DLG2: variants seen among roughly 807,000 people sequenced by gnomAD.
DLG2 encodes the protein disks large homolog 2.
DLG2 carries 45 observed loss-of-function variants against 132.5 expected under a neutral mutation model. The ratio of observed to expected loss-of-function variants is 0.34; its 90% CI spans 0.27 to 0.44. DLG2 has a LOEUF of 0.44. DLG2 is among the 20% of genes least tolerant of loss of function. The pLI, the probability that DLG2 is intolerant of heterozygous loss-of-function variation, is 1.00. For synonymous variants in DLG2, 424 were observed against 419.6 expected, an observed-to-expected ratio of 1.01 and a Z score of -0.13; for missense variants, 1,045 against 1,196.9, an observed-to-expected ratio of 0.87 and a Z score of 1.87.
intron 3 of DLG2, among the ~76,000 whole-genome samples, chr11:85,314,673 A>T (rs1268851214): frequency 1.3e-5 from 2 of 152,024 alleles, no homozygotes; most frequent in Non-Finnish European, 2.9e-5. Context: ...AAAATGAGCA[A>T]AGAAACGTGC....
intron 7 of DLG2, among the ~76,000 whole-genome samples, chr11:84,436,604 G>C (rs2099001551): frequency 6.6e-6 from 1 of 151,994 alleles, no homozygotes; most frequent in African/African-American, 2.4e-5. Context: ...ATGACAGTTT[G>C]GACAGTGCCC....
intron 6 of DLG2, among the ~76,000 whole-genome samples, chr11:84,645,201 T>A (rs1487643785): frequency 1.3e-5 from 2 of 152,220 alleles, no homozygotes. Context: ...CTACTAGCTA[T>A]GTGCTCTTGG....
Position 85,217,318 on chromosome 11 carries a change from T to TCACACACACA in DLG2, c.187-62677_187-62668dup, listed in dbSNP as rs56718906. On this transcript the variant is annotated intron_variant, in intron 4 of 27. Coordinates refer to ENST00000376104, the MANE Select transcript of DLG2 (RefSeq NM_001142699.3). ...CCATCACCTAGATTCTCTCTCTCTC[T>TCACACACACA]CACACACACACACACACACACACAC... is the stretch of plus-strand genomic sequence containing the variant. Among the ~76,000 whole-genome samples the TCACACACACA allele has an allele frequency of 3.9e-3, 563 of 144,014 alleles. 2 individuals are homozygous for TCACACACACA. The highest frequency in any genetic ancestry group is 5.9e-3 in the African/African-American group (227 of 38,588). 94.5% of individuals were successfully genotyped at this position (144,014 alleles called of 152,430 possible). A position where few individuals can be genotyped will look rare whatever the true frequency, so the allele number is the denominator to read the frequency against.
chr11:85,143,776 A>G (rs900837348), intron 5 of DLG2, among the ~76,000 whole-genome samples: 2 of 151,750 alleles, frequency 1.3e-5, no homozygotes, highest in African/African-American at 4.8e-5. Context: ...TCTATTCCAT[A>G]GTGGTCAGAA....
chr11:84,576,156 T>C (rs1029230625), intron 6 of DLG2, among the ~76,000 whole-genome samples: 4 of 152,242 alleles, frequency 2.6e-5, no homozygotes, highest in Non-Finnish European at 5.9e-5. Context: ...ATTAACATCA[T>C]ATATCATTCT....
intron 18 of DLG2, among the ~76,000 whole-genome samples, chr11:83,666,289 C>A (rs1592056960): frequency 6.6e-6 from 1 of 152,186 alleles, no homozygotes; most frequent in Non-Finnish European, 1.5e-5. Flanking sequence ...AGGTCCCCAA[C>A]CCCCAGTCCG....
chr11:85,606,601 G>C (rs7103387), intron 2 of DLG2, among the ~76,000 whole-genome samples: 7,386 of 152,168 alleles, frequency 0.049, 574 homozygotes, highest in African/African-American at 0.17. Flanking sequence ...GGCCACCTGA[G>C]CCAGCAGCAG....
At chr11:85,450,812 C>T (rs2092212632) in intron 3 of DLG2, among the ~76,000 whole-genome samples, 1 of 152,108 alleles carries the variant, frequency 6.6e-6, no homozygotes, top group African/African-American at 2.4e-5. Flanking sequence ...TCCTTCTTCT[C>T]TTTTCTCAGC....
intron 19 of DLG2, among the ~76,000 whole-genome samples, chr11:83,545,140 G>C (rs2096204374): frequency 6.6e-6 from 1 of 152,134 alleles, no homozygotes; most frequent in Non-Finnish European, 1.5e-5. Flanking sequence ...AAGGAGGCAG[G>C]CTCTGGAGCC....
chr11:85,180,366 T>C (rs2079609990), intron 4 of DLG2, among the ~76,000 whole-genome samples: 1 of 151,836 alleles, frequency 6.6e-6, no homozygotes, highest in Admixed American at 6.6e-5. Flanking sequence ...TTAATGAGCC[T>C]TGTACAGTGC....
intron 6 of DLG2, among the ~76,000 whole-genome samples, chr11:84,770,445 C>T (rs574384518): frequency 6.6e-6 from 1 of 152,108 alleles, no homozygotes; most frequent in Non-Finnish European, 1.5e-5. Context: ...ATTTTTTCTG[C>T]TCCTCTCCCT....
chr11:85,357,735 TATATATATATATATATATATATATA>T (rs2083842721), intron 3 of DLG2, among the ~76,000 whole-genome samples: 1 of 16,436 alleles, frequency 6.1e-5, no homozygotes, highest in Non-Finnish European at 1.2e-4. Context: ...TATATATATA[TATATATATATATATATATATATATA>T]TTTTATACTT....
intron 16 of DLG2, among the ~76,000 whole-genome samples, chr11:83,874,049 A>T (rs973210182): frequency 6.6e-6 from 1 of 152,130 alleles, no homozygotes; most frequent in Non-Finnish European, 1.5e-5. Flanking sequence ...TGCTTGGCAC[A>T]TAAGGTGAGT....
chr11:84,099,278 C>T (rs2092176058), intron 9 of DLG2, among the ~76,000 whole-genome samples: 1 of 152,084 alleles, frequency 6.6e-6, no homozygotes, highest in African/African-American at 2.4e-5. Context: ...TTAAAAATTG[C>T]TTCCTTTATG....
At chr11:84,265,464 T>C (rs2097609006) in intron 7 of DLG2, among the ~76,000 whole-genome samples, 1 of 152,166 alleles carries the variant, frequency 6.6e-6, no homozygotes, top group Admixed American at 6.5e-5. Context: ...GTAGCTGAAA[T>C]TCTGAATCAG....
chr11:83,794,680 G>T (rs1278476523), intron 17 of DLG2, among the ~76,000 whole-genome samples: 1 of 152,064 alleles, frequency 6.6e-6, no homozygotes, highest in African/African-American at 2.4e-5. Context: ...TAATCCTCAG[G>T]AGGGTGGGAT....
chr11:85,348,352 G>T (rs1028321820), intron 3 of DLG2, among the ~76,000 whole-genome samples: 5 of 151,020 alleles, frequency 3.3e-5, no homozygotes, highest in Non-Finnish European at 7.4e-5. Context: ...CCTCCTGAGT[G>T]GCTGGGACTA....
intron 8 of DLG2, among the ~76,000 whole-genome samples, chr11:84,203,986 T>C (rs546944765): frequency 1.3e-5 from 2 of 152,284 alleles, no homozygotes; most frequent in East Asian, 3.9e-4. Context: ...AGACGGAGTT[T>C]TGCTCTTGTT....
At chr11:83,676,820 C>T (rs955259603) in intron 18 of DLG2, among the ~76,000 whole-genome samples, 1 of 152,074 alleles carries the variant, frequency 6.6e-6, no homozygotes, top group Non-Finnish European at 1.5e-5. Context: ...AACTAAGGGC[C>T]CATTTATCCA....
Sources: allele counts gnomAD v4.1 joint callset (sites outside exome capture counted in the v4.1 genomes callset), GRCh38; gene constraint gnomAD v4.1.1; transcripts MANE v1.5; gene names NCBI Gene and HGNC (gene_info 2026-07-23, HGNC 2026-07-21).